CLCN5: variants seen among roughly 807,000 people sequenced by gnomAD.
The protein encoded by CLCN5 is Cl-/H+ antiporter 5.
In CLCN5, 17 loss-of-function variants were observed where a neutral mutation model predicts 54.0. The ratio of observed to expected loss-of-function variants is 0.31; its 90% CI spans 0.22 to 0.47. CLCN5 has a LOEUF of 0.47. CLCN5 is among the 20% of genes least tolerant of loss of function. The pLI, the probability that CLCN5 is intolerant of heterozygous loss-of-function variation, is 1.00. For synonymous variants in CLCN5, 222 were observed against 233.0 expected, an observed-to-expected ratio of 0.95 and a Z score of 0.43; for missense variants, 448 against 646.7, an observed-to-expected ratio of 0.69 and a Z score of 3.33.
At chrX:50,022,994 T>C (rs1159024058) in intron 3 of CLCN5, among the ~76,000 whole-genome samples, 28 of 83,562 alleles carry the variant, frequency 3.4e-4, no homozygotes, top group Non-Finnish European at 5.7e-4. Context: ...CTATTAGGTC[T>C]GCTTGGTGCA....
chrX:50,034,777 G>A (rs1287057223), intron 3 of CLCN5, among the ~76,000 whole-genome samples: 15 of 110,803 alleles, frequency 1.4e-4, no homozygotes, highest in African/African-American at 4.9e-4. Context: ...CCCTTGCCTT[G>A]ATCTTAGTAC....
At chrX:49,935,470 ATCC>A (rs1925898480) in intron 3 of CLCN5, among the ~76,000 whole-genome samples, 1 of 112,247 alleles carries the variant, frequency 8.9e-6, no homozygotes, top group Non-Finnish European at 1.9e-5. Context: ...AAAAGTCATG[ATCC>A]CTGCCCTCTT....
intron 3 of CLCN5, among the ~76,000 whole-genome samples, chrX:50,025,787 G>A (rs1557184915): frequency 9.0e-6 from 1 of 110,743 alleles, no homozygotes; most frequent in Non-Finnish European, 1.9e-5. Flanking sequence ...TTACTTAACC[G>A]GGCTAGAGGT....
At chrX:50,027,096 C>T (rs1462484452) in intron 3 of CLCN5, among the ~76,000 whole-genome samples, 2 of 107,480 alleles carry the variant, frequency 1.9e-5, no homozygotes, top group African/African-American at 6.9e-5. Flanking sequence ...CTCACTGCAA[C>T]CTCTGCCTCC....
At position 50,081,680 on chromosome X, in the gene CLCN5, T is replaced by A; in HGVS notation, c.766T>A (p.Leu256Met). 1 of 1,210,427 alleles carries A rather than the reference T, an allele frequency of 8.3e-7. No homozygotes were observed. ...GAGTGGTTTCATTATTAGGGGCTAT[T>A]TGGGTAAGTGGACTCTGGTTATCAA... ...ILSGFIIRGY[L>M]GKWTLVIKTI... The change falls in exon 9 of 15, where the codon TTG becomes ATG. Residue 256 changes from leucine to methionine, a missense_variant. Coordinates refer to ENST00000376091, the MANE Select transcript of CLCN5 (RefSeq NM_001127898.4).
chrX:50,084,712 G>T lies in CLCN5; in HGVS notation c.934-1268G>T, dbSNP rs184191643. Among the ~76,000 whole-genome samples the T allele has an allele frequency of 1.7e-4, 19 of 111,828 alleles. No individual in the cohort carries two copies. In the East Asian group the frequency reaches 3.9e-3, roughly 23 times the overall value. On this transcript the variant is annotated intron_variant, in intron 9 of 14. Transcript: ENST00000376091. ...ATTTGAATCTTAAATTTACTTTCTA[G>T]CACTTATTTAGACTTTCCAGTTATT... is the stretch of plus-strand genomic sequence containing the variant.
chrX:49,942,157 A>C, intron 3 of CLCN5, among the ~76,000 whole-genome samples: 2 of 205 alleles, frequency 9.8e-3, no homozygotes, highest in African/African-American at 0.017. Context: ...AATTAGAATG[A>C]ATTCGAGTGG....
chrX:50,049,579 T>A (rs1557188121), intron 4 of CLCN5, among the ~76,000 whole-genome samples: 1 of 112,262 alleles, frequency 8.9e-6, no homozygotes, highest in Non-Finnish European at 1.9e-5. Context: ...TTTTATTCAT[T>A]TTCACAGTTA....
chrX:50,049,591 C>G (rs1178169007), intron 4 of CLCN5, among the ~76,000 whole-genome samples: 1 of 111,990 alleles, frequency 8.9e-6, no homozygotes, highest in Non-Finnish European at 1.9e-5. Context: ...TCACAGTTAC[C>G]TGGGTCAGCA....
rs1934138175 is a variant in CLCN5 at position 50,092,535 on chromosome X, A to G, written c.*316A>G. ...TTAAAAAGTAGTTAGCCAATATGCAATCACTGAAAACTATGCAAGAGAAAT... is the reference window on the plus strand; with the variant it reads ...TTAAAAAGTAGTTAGCCAATATGCAGTCACTGAAAACTATGCAAGAGAAAT... On this transcript the variant is annotated 3_prime_UTR_variant, in exon 15 of 15. Transcript: ENST00000376091. 3 of 253,463 alleles carry G rather than the reference A, an allele frequency of 1.2e-5. No homozygotes were observed. Among genetic ancestry groups the G allele is most frequent in the East Asian group, 8.7e-5 (1 of 11,504 alleles). The allele number at this position is 253,463 out of a possible 1,213,427, so 20.9% of individuals were successfully genotyped here.
At chrX:50,078,648 T>C (rs1325717281) in intron 7 of CLCN5, among the ~76,000 whole-genome samples, 1 of 112,790 alleles carries the variant, frequency 8.9e-6, no homozygotes, top group African/African-American at 3.2e-5. Context: ...GATTTAGAAC[T>C]GTTCTATCAC....
intron 3 of CLCN5, among the ~76,000 whole-genome samples, chrX:49,960,959 C>T (rs961089434): frequency 6.3e-5 from 7 of 111,695 alleles, no homozygotes; most frequent in African/African-American, 2.3e-4. Context: ...CTTCTGTACC[C>T]TTCCCTCTAC....
chrX:49,942,194 C>T, intron 3 of CLCN5, among the ~76,000 whole-genome samples: 1 of 81,554 alleles, frequency 1.2e-5, no homozygotes, highest in Non-Finnish European at 2.3e-5. Context: ...ATCTGAAATA[C>T]TTGTTTGAAT....
intron 7 of CLCN5, among the ~76,000 whole-genome samples, chrX:50,080,227 G>A (rs963400679): frequency 9.0e-6 from 1 of 111,231 alleles, no homozygotes; most frequent in African/African-American, 3.3e-5. Flanking sequence ...AAAAAGCTGG[G>A]GGGGTGCTCT....
chrX:50,062,640 G>T (rs1932876132), intron 4 of CLCN5, among the ~76,000 whole-genome samples: 1 of 93,594 alleles, frequency 1.1e-5, no homozygotes, highest in Non-Finnish European at 2.0e-5. Context: ...ACTGAACTCA[G>T]CTCTGCACCA....
chrX:49,953,368 C>T (rs192949629), intron 3 of CLCN5, among the ~76,000 whole-genome samples: 3 of 111,777 alleles, frequency 2.7e-5, no homozygotes, highest in East Asian at 2.8e-4. Context: ...TATAGTGGTG[C>T]GATCACAGCT....
intron 3 of CLCN5, among the ~76,000 whole-genome samples, chrX:49,977,227 A>G (rs1557177048): frequency 9.0e-6 from 1 of 110,671 alleles, no homozygotes. Flanking sequence ...ACAGGCGCTG[A>G]GGTTAGGGAT....
intron 3 of CLCN5, among the ~76,000 whole-genome samples, chrX:49,930,792 C>T (rs1557168766): frequency 9.0e-6 from 1 of 111,600 alleles, no homozygotes; most frequent in African/African-American, 3.3e-5. Context: ...AAAACATCTG[C>T]GTGTAAGTGA....
At chrX:50,060,749 A>G (rs1372263990) in intron 4 of CLCN5, among the ~76,000 whole-genome samples, 19 of 110,628 alleles carry the variant, frequency 1.7e-4, no homozygotes, top group African/African-American at 5.8e-4. Context: ...GCAGACTTAA[A>G]TGTCCCTGTC....
Sources: gnomAD v4.1 joint callset for allele counts (sites outside exome capture counted in the v4.1 genomes callset) on GRCh38, gnomAD v4.1.1 for gene constraint, MANE v1.5 for transcripts, NCBI Gene and HGNC (gene_info 2026-07-23, HGNC 2026-07-21) for gene names.